Variants in FAM13B observed in about 807,000 individuals in gnomAD.
The protein encoded by FAM13B is family with sequence similarity 13 member B, also known as protein FAM13B.
Under a neutral mutation model 117.3 loss-of-function variants are expected in FAM13B, and 60 were observed. The observed-to-expected ratio is 0.51, with a 90% CI of 0.42 to 0.63. FAM13B has a LOEUF of 0.63. Among genes scored for constraint, FAM13B ranks in the 30% least tolerant of loss-of-function variants. FAM13B has a pLI of 0.00. For synonymous variants in FAM13B, 332 were observed against 356.1 expected, an observed-to-expected ratio of 0.93 and a Z score of 0.76; for missense variants, 972 against 1,091.9, an observed-to-expected ratio of 0.89 and a Z score of 1.55.
At chr5:138,009,279 T>C (rs530152624) in intron 6 of FAM13B, among the ~76,000 whole-genome samples, 1 of 152,288 alleles carries the variant, frequency 6.6e-6, no homozygotes, top group East Asian at 1.9e-4. Context: ...ATAATGCTAA[T>C]GAAAAGGACT....
At chr5:137,943,068 C>T (rs368769631) in intron 21 of FAM13B, 30 bp from the exon 22 acceptor site, 1 of 1,612,698 alleles carries the variant, frequency 6.2e-7, no homozygotes, top group East Asian at 2.2e-5. Flanking sequence ...GAGAATCAAA[C>T]ATGCCTTGTC....
chr5:138,022,159 G>A (rs1368583042), intron 1 of FAM13B, among the ~76,000 whole-genome samples: 1 of 151,110 alleles, frequency 6.6e-6, no homozygotes, highest in African/African-American at 2.4e-5. Flanking sequence ...CAGCTGTTAA[G>A]TTTAGTTTAA....
chr5:137,983,224 G>T (rs960742133), intron 10 of FAM13B, among the ~76,000 whole-genome samples: 1 of 124,440 alleles, frequency 8.0e-6, no homozygotes. Flanking sequence ...AACCGAGTGA[G>T]ATATCCTGAA....
At chr5:138,004,913 G>C (rs1392206518) in intron 7 of FAM13B, among the ~76,000 whole-genome samples, 1 of 152,048 alleles carries the variant, frequency 6.6e-6, no homozygotes, top group Non-Finnish European at 1.5e-5. Context: ...GGAGCTAATG[G>C]CCACCTTATT....
intron 10 of FAM13B, among the ~76,000 whole-genome samples, chr5:137,966,857 G>A (rs1178879365): frequency 6.6e-6 from 1 of 152,064 alleles, no homozygotes; most frequent in Admixed American, 6.6e-5. Flanking sequence ...TTATAATAAA[G>A]GTGGCATTTC....
intron 1 of FAM13B, among the ~76,000 whole-genome samples, chr5:138,024,384 G>A (rs887976769): frequency 6.6e-6 from 1 of 151,982 alleles, no homozygotes; most frequent in Admixed American, 6.5e-5. Flanking sequence ...AGAAATGCCA[G>A]GAACTACCAG....
intron 1 of FAM13B, among the ~76,000 whole-genome samples, chr5:138,044,321 G>A (rs563782831): frequency 1.3e-5 from 2 of 152,250 alleles, no homozygotes; most frequent in East Asian, 3.9e-4. Context: ...GGAGGCCAAG[G>A]TGAGCGGATC....
chr5:137,959,846 T>G, intron 12 of FAM13B, 83 bp from the exon 13 acceptor site: 1 of 1,361,748 alleles, frequency 7.3e-7, no homozygotes, highest in Non-Finnish European at 1.0e-6. Flanking sequence ...CATATCCAAG[T>G]GTAGTCTTCA....
At chr5:138,024,171 T>C (rs1787543393) in intron 1 of FAM13B, among the ~76,000 whole-genome samples, 1 of 152,062 alleles carries the variant, frequency 6.6e-6, no homozygotes, top group Non-Finnish European at 1.5e-5. Context: ...AAGAACCTCA[T>C]AATGTGACTT....
chr5:138,047,911 C>G (rs919484827), intron 1 of FAM13B, among the ~76,000 whole-genome samples: 3 of 152,138 alleles, frequency 2.0e-5, no homozygotes, highest in African/African-American at 7.2e-5. Context: ...ACCTACAGAA[C>G]TATAAAATAA....
chr5:137,942,101 G>C (rs1762021942), intron 22 of FAM13B, 56 bp from the exon 23 acceptor site: 11 of 1,427,846 alleles, frequency 7.7e-6, no homozygotes, highest in Non-Finnish European at 1.1e-5. Flanking sequence ...ATATTCTTAA[G>C]AGAGGTTCTA....
At chr5:137,948,910 G>T in intron 18 of FAM13B, 45 bp downstream of exon 18, 1 of 1,464,116 alleles carries the variant, frequency 6.8e-7, no homozygotes, top group South Asian at 1.2e-5. Context: ...TTTGTTTCAG[G>T]AATTCTAAAG....
chr5:138,028,734 T>C (rs1789097446), intron 1 of FAM13B, among the ~76,000 whole-genome samples: 2 of 152,028 alleles, frequency 1.3e-5, no homozygotes, highest in Admixed American at 1.3e-4. Flanking sequence ...AATACAAAAT[T>C]AGGCCAGGTG....
Position 137,946,329 on chromosome 5 carries a change from A to C in FAM13B, c.2161-18T>G. ...GTCATTTTCTGGAATTAAACAAAAA[A>C]AATAACAAAATACAAAAAAAAAAAA... On this transcript the variant is annotated intron_variant, in intron 18 of 23. Transcript: ENST00000689681. 1 of 1,514,858 alleles carries C rather than the reference A, an allele frequency of 6.6e-7. No homozygotes were observed. The highest frequency in any genetic ancestry group is 1.2e-5 in the South Asian group (1 of 80,192). 93.8% of individuals were successfully genotyped at this position (1,514,858 alleles called of 1,614,324 possible).
At chr5:137,953,247 C>T in intron 16 of FAM13B, 89 bp downstream of exon 16, 1 of 1,415,580 alleles carries the variant, frequency 7.1e-7, no homozygotes, top group South Asian at 1.3e-5. Context: ...TTACCTTTCT[C>T]ACACAGATCT....
chr5:137,951,626 T>G (rs899625454), intron 17 of FAM13B, among the ~76,000 whole-genome samples: 1 of 152,088 alleles, frequency 6.6e-6, no homozygotes. Context: ...GCTACCACAC[T>G]TCAACCTCGA....
upstream of FAM13B, among the ~76,000 whole-genome samples, chr5:138,033,517 C>G (rs1790738909): frequency 6.6e-6 from 1 of 152,198 alleles, no homozygotes; most frequent in African/African-American, 2.4e-5. Flanking sequence ...GATCCGGGAC[C>G]ACGGGGCTGC....
intron 1 of FAM13B, among the ~76,000 whole-genome samples, chr5:138,025,729 C>T (rs78064030): frequency 0.038 from 5,799 of 152,172 alleles, 136 homozygotes; most frequent in Middle Eastern, 0.058. Context: ...ATTCAATGCA[C>T]TCCCCATCAA....
At chr5:137,974,600 AAAGTAT>A (rs1232246477) in intron 10 of FAM13B, among the ~76,000 whole-genome samples, 1 of 148,614 alleles carries the variant, frequency 6.7e-6, no homozygotes, top group Admixed American at 6.7e-5. Context: ...CCTAAAACTT[AAAGTAT>A]AATAATAATA....
Sources: gnomAD v4.1 joint callset for allele counts (sites outside exome capture counted in the v4.1 genomes callset) on GRCh38, gnomAD v4.1.1 for gene constraint, MANE v1.5 for transcripts, NCBI Gene and HGNC (gene_info 2026-07-23, HGNC 2026-07-21) for gene names.